Variants in CDH4 observed in about 807,000 individuals in gnomAD.
CDH4 encodes the protein cadherin 4.
A neutral mutation model predicts 86.0 loss-of-function variants in CDH4; 33 were observed. The ratio of observed to expected loss-of-function variants is 0.38; its 90% CI spans 0.29 to 0.51. The LOEUF (loss-of-function observed/expected upper bound fraction) is 0.51. Among genes scored for constraint, CDH4 ranks in the 20% least tolerant of loss-of-function variants. CDH4 has a pLI of 0.86. For synonymous variants in CDH4, 555 were observed against 549.4 expected (o/e 1.01, Z -0.14); for missense variants, 1,114 against 1,307.4 (o/e 0.85, Z 2.28).
chr20:61,409,559 G>A (rs1452170722), intron 2 of CDH4, among the ~76,000 whole-genome samples: 1 of 152,232 alleles, frequency 6.6e-6, no homozygotes, highest in Non-Finnish European at 1.5e-5. Flanking sequence ...CCACCGCCCT[G>A]AGAGGTATCG....
At chr20:61,524,760 G>T (rs1282166767) in intron 2 of CDH4, among the ~76,000 whole-genome samples, 1 of 152,106 alleles carries the variant, frequency 6.6e-6, no homozygotes, top group Admixed American at 6.5e-5. Flanking sequence ...TGGGATTACA[G>T]GTGTGAGCTA....
chr20:61,694,650 A>T (rs961367628), intron 2 of CDH4, among the ~76,000 whole-genome samples: 1 of 152,190 alleles, frequency 6.6e-6, no homozygotes, highest in Non-Finnish European at 1.5e-5. Flanking sequence ...TCCTAAAAAC[A>T]GGCACCTCCA....
In CDH4 at chr20:61,599,687, G is replaced by A. The variant is rs188796357; in HGVS notation, c.170-143876G>A. On this transcript the variant is annotated intron_variant, in intron 2 of 15. Coordinates refer to ENST00000614565, the MANE Select transcript of CDH4 (RefSeq NM_001794.5). ...GACACAGAGTGGAGAAGCCTCTCGC[G>A]TGGTCTCTGCGTCTGGGCTCCTTCA... 8.2e-5 allele frequency: 30 copies of A among 367,116 alleles called. No individual in the cohort carries two copies. The East Asian group carries it at 4.0e-3, about 49-fold the overall frequency. 22.7% of individuals were successfully genotyped at this position (367,116 alleles called of 1,614,324 possible). A position where few individuals can be genotyped will look rare whatever the true frequency, so the allele number is the denominator to read the frequency against.
intron 2 of CDH4, among the ~76,000 whole-genome samples, chr20:61,727,424 T>TCATCACCATCACTGCCAC (rs2088129183): frequency 6.6e-6 from 1 of 152,194 alleles, no homozygotes; most frequent in Non-Finnish European, 1.5e-5. Context: ...ATCTCTGTCA[T>TCATCACCATCACTGCCAC]CATCACCATC....
chr20:61,725,923 G>T (rs1323198402), intron 2 of CDH4, among the ~76,000 whole-genome samples: 2 of 152,194 alleles, frequency 1.3e-5, no homozygotes, highest in Non-Finnish European at 2.9e-5. Context: ...AAATAGCCTG[G>T]CCGGTCCTGT....
chr20:61,569,624 C>T (rs2252422), intron 2 of CDH4, among the ~76,000 whole-genome samples: 117,744 of 152,166 alleles, frequency 0.77, 45,677 homozygotes, highest in African/African-American at 0.8. Flanking sequence ...AGGAAATGTA[C>T]CAATGATACG....
At chr20:61,370,953 C>T (rs1263102761) in intron 2 of CDH4, 3 of 152,224 alleles carry the variant, frequency 2.0e-5, no homozygotes, top group Admixed American at 6.5e-5. Context: ...TTTGTCCTCC[C>T]GAGGAGCCTC....
chr20:61,269,843 A>G lies in CDH4; in HGVS notation c.169+14906A>G, dbSNP rs1297863976. 1.3e-5 allele frequency among the ~76,000 whole-genome samples: 2 copies of G among 152,004 alleles called. No individual in the cohort carries two copies. Among genetic ancestry groups the G allele is most frequent in the Non-Finnish European group, 2.9e-5 (2 of 68,026 alleles). The stretch of plus-strand genomic sequence containing the variant: ...GATAGCAACTCCATGTTCCCGACGC[A>G]TGACCGGACCTCCAGAGCCAGTGGT... On this transcript the variant is annotated intron_variant, in intron 2 of 15. Transcript: ENST00000614565. The surrounding 1 kb of genome is among the most constrained non-coding windows in gnomAD (Gnocchi z 5.3).
intron 3 of CDH4, among the ~76,000 whole-genome samples, chr20:61,770,588 G>A (rs2088762611): frequency 6.6e-6 from 1 of 152,214 alleles, no homozygotes; most frequent in Non-Finnish European, 1.5e-5. Flanking sequence ...TCACGTTTAG[G>A]AAACACAGAA....
chr20:61,303,400 C>T lies in CDH4; in HGVS notation c.169+48463C>T, dbSNP rs187438567. On this transcript the variant is annotated intron_variant, in intron 2 of 15. Transcript: ENST00000614565. The stretch of plus-strand genomic sequence containing the variant: ...CAAGAGCCAGGGCAGGGGTGGGGGA[C>T]AGCAAGGGGCTCGAGGCACAGCCGT... Among the ~76,000 whole-genome samples, 580 of 152,324 alleles carry T rather than the reference C, an allele frequency of 3.8e-3. 3 individuals are homozygous for T. Among genetic ancestry groups the T allele is most frequent in the African/African-American group, 0.013 (556 of 41,574 alleles).
At chr20:61,319,199 TTATAA>T (rs138045793) in intron 2 of CDH4, among the ~76,000 whole-genome samples, 26,178 of 151,214 alleles carry the variant, frequency 0.17, 2,801 homozygotes, top group East Asian at 0.3. Flanking sequence ...ATAATAAATA[TTATAA>T]TATATAATAA....
intron 2 of CDH4, among the ~76,000 whole-genome samples, chr20:61,385,910 G>A (rs78034491): frequency 0.038 from 5,786 of 152,226 alleles, 151 homozygotes; most frequent in African/African-American, 0.073. Context: ...TTGCAGCTGC[G>A]GTTCATGCAT....
intron 2 of CDH4, among the ~76,000 whole-genome samples, chr20:61,326,571 A>G (rs1382324045): frequency 6.6e-6 from 1 of 152,184 alleles, no homozygotes; most frequent in Non-Finnish European, 1.5e-5. Flanking sequence ...TTAAAATTAC[A>G]CTGTATGGAA....
At chr20:61,274,803 G>T (rs1279604015) in intron 2 of CDH4, among the ~76,000 whole-genome samples, 2 of 148,946 alleles carry the variant, frequency 1.3e-5, no homozygotes, top group African/African-American at 5.0e-5. Flanking sequence ...GCAGTTTGGG[G>T]GAGTACCATG....
chr20:61,891,807 A>C (rs1311832769), intron 7 of CDH4, among the ~76,000 whole-genome samples: 1 of 152,122 alleles, frequency 6.6e-6, no homozygotes, highest in East Asian at 1.9e-4. Context: ...CCCTGCCCTC[A>C]GTTCACCCTG....
chr20:61,407,382 C>T lies in CDH4; in HGVS notation c.169+152445C>T, dbSNP rs910520982. Among the ~76,000 whole-genome samples the T allele has an allele frequency of 2.2e-4, 33 of 152,320 alleles. No homozygotes were observed. The Middle Eastern group carries it at 0.01, about 47-fold the overall frequency. ...GGCATCTAGCGGTTGATGCCACCTT[C>T]ACCTGTTGTCACCGAACCCTGGGGA... is the stretch of plus-strand genomic sequence containing the variant. On this transcript the variant is annotated intron_variant, in intron 2 of 15. Transcript: ENST00000614565.
intron 2 of CDH4, among the ~76,000 whole-genome samples, chr20:61,606,709 G>A (rs1337161290): frequency 2.0e-5 from 3 of 151,364 alleles, no homozygotes; most frequent in Non-Finnish European, 4.4e-5. Context: ...GGCTGCCATG[G>A]CTTGTGTCGT....
At chr20:61,680,408 G>A (rs2087499032) in intron 2 of CDH4, among the ~76,000 whole-genome samples, 1 of 152,092 alleles carries the variant, frequency 6.6e-6, no homozygotes, top group Non-Finnish European at 1.5e-5. Flanking sequence ...AAGGTCCCTG[G>A]CCAGGGCCTC....
chr20:61,816,690 G>C (rs1423418047), intron 4 of CDH4, among the ~76,000 whole-genome samples: 1 of 151,426 alleles, frequency 6.6e-6, no homozygotes, highest in African/African-American at 2.4e-5. Flanking sequence ...ACGTTAAATG[G>C]GGGGGGGCGG....
Sources: allele counts gnomAD v4.1 joint callset (sites outside exome capture counted in the v4.1 genomes callset), GRCh38; gene constraint gnomAD v4.1.1; non-coding constraint Gnocchi (gnomAD v3.1); transcripts MANE v1.5; gene names NCBI Gene and HGNC (gene_info 2026-07-23, HGNC 2026-07-21).